Variants in NGFR observed in about 807,000 individuals in gnomAD.
The protein encoded by NGFR is nerve growth factor receptor.
In NGFR, 30 loss-of-function variants were observed where a neutral mutation model predicts 43.2. The ratio of observed to expected loss-of-function variants is 0.69; its 90% CI spans 0.52 to 0.94. The LOEUF is 0.94. Among genes scored for constraint, NGFR ranks in the 40% least tolerant of loss-of-function variants. The pLI is 0.00. For synonymous variants in NGFR, 246 were observed against 259.6 expected, an observed-to-expected ratio of 0.95 and a Z score of 0.50; for missense variants, 529 against 602.5, an observed-to-expected ratio of 0.88 and a Z score of 1.28.
intron 4 of NGFR, 65 bp from the exon 5 acceptor site, chr17:49,511,827 T>C: frequency 1.4e-6 from 2 of 1,465,006 alleles, no homozygotes; most frequent in South Asian, 2.9e-5. Context: ...AGAGCACAGA[T>C]ACTCAGCTGC....
chr17:49,514,464 TGAG>T lies in NGFR; in HGVS notation c.*1457_*1459del. On this transcript the variant is annotated 3_prime_UTR_variant, in exon 6 of 6. Transcript: ENST00000172229. Reference sequence around the variant, plus strand: ...CCTGAGCTTGGCCAGAAGGGGGCCATGAGGCCTCAGTGGACTTTCCACCCCCTC... The same window carrying T: ...CCTGAGCTTGGCCAGAAGGGGGCCATGCCTCAGTGGACTTTCCACCCCCTC... 1 of 152,324 alleles carries T rather than the reference TGAG, an allele frequency of 6.6e-6. No homozygotes were observed. The highest frequency in any genetic ancestry group is 1.9e-4 in the East Asian group (1 of 5,206). 9.4% of individuals were successfully genotyped at this position (152,324 alleles called of 1,614,324 possible).
At chr17:49,504,164 C>A (rs1162395350) in intron 2 of NGFR, among the ~76,000 whole-genome samples, 2 of 152,210 alleles carry the variant, frequency 1.3e-5, no homozygotes, top group Non-Finnish European at 2.9e-5. Context: ...ACCTATTAAG[C>A]CCCTGCCTTC....
Position 49,506,303 on chromosome 17 carries a change from G to C in NGFR, c.213G>C (p.Val71=), listed in dbSNP as rs149209628. ...QTVCEPCLDS[V]TFSDVVSATE... is the part of the protein sequence containing the mutation. ...TCTGGTGTCCGCTGCGCTCAGGCGT[G>C]ACGTTCTCCGACGTGGTGAGCGCGA... The change falls in exon 3 of 6, where the codon GTG becomes GTC. Residue 71 remains valine, a synonymous_variant. Coordinates refer to ENST00000172229, the MANE Select transcript of NGFR (RefSeq NM_002507.4). 24 of 1,558,128 alleles carry C rather than the reference G, an allele frequency of 1.5e-5. No homozygotes were observed. The highest frequency in any genetic ancestry group is 1.9e-5 in the Non-Finnish European group (22 of 1,153,806).
intron 3 of NGFR, 29 bp downstream of exon 3, chr17:49,506,687 T>TGGGGGGGGGGGGGGGG: frequency 7.8e-6 from 1 of 128,676 alleles, no homozygotes; most frequent in South Asian, 3.4e-4. Flanking sequence ...GCGGGGGGAG[T>TGGGGGGGGGGGGGGGG]GGGGGTGCGG....
At position 49,510,509 on chromosome 17, in the gene NGFR, C is replaced by T. The variant is rs2071224383; in HGVS notation, c.666C>T (p.Asp222=). The T allele has an allele frequency of 4.3e-6, 7 of 1,614,112 alleles. No homozygotes were observed. Among genetic ancestry groups the T allele is most frequent in the Non-Finnish European group, 5.9e-6 (7 of 1,180,004 alleles). The change falls in exon 4 of 6, where the codon GAC becomes GAT. Residue 222 remains aspartate (D), a synonymous_variant. Coordinates refer to ENST00000172229, the MANE Select transcript of NGFR (RefSeq NM_002507.4). Reference sequence around the variant, plus strand: ...AGCCTGAGGCACCTCCAGAACAAGACCTCATAGCCAGCACGGTGGCAGGTG... The same window carrying T: ...AGCCTGAGGCACCTCCAGAACAAGATCTCATAGCCAGCACGGTGGCAGGTG... ...TQEPEAPPEQ[D]LIASTVAGVV...
chr17:49,511,994 C>T lies in NGFR; in HGVS notation c.924C>T (p.Ser308=), dbSNP rs771528500. The T allele has an allele frequency of 8.7e-6, 14 of 1,613,904 alleles. No individual in the cohort carries two copies. Among genetic ancestry groups the T allele is most frequent in the South Asian group, 6.6e-5 (6 of 91,024 alleles). ...AACTCCACAGCGACAGTGGCATCTC[C>T]GTGGACAGCCAGAGCCTGCATGACC... The part of the protein sequence containing the change: ...GEKLHSDSGI[S]VDSQSLHDQQ... The change falls in exon 5 of 6, where the codon TCC becomes TCT. Residue 308 remains serine, a synonymous_variant. Coordinates refer to ENST00000172229, the MANE Select transcript of NGFR (RefSeq NM_002507.4).
chr17:49,502,018 C>CCCCCCCCAAAA, intron 1 of NGFR, 45 bp from the exon 2 acceptor site: 3 of 1,320,346 alleles, frequency 2.3e-6, no homozygotes, highest in East Asian at 2.7e-5. Context: ...CAACCCACCC[C>CCCCCCCCAAAA]AGCTTTCTCT....
chr17:49,511,858 G>T, intron 4 of NGFR, 34 bp from the exon 5 acceptor site: 1 of 1,544,776 alleles, frequency 6.5e-7, no homozygotes, highest in Non-Finnish European at 8.8e-7. Context: ...ACAGCCCCTC[G>T]CCCCCTGAAA....
chr17:49,495,524 T>C lies in NGFR; in HGVS notation c.66+41T>C. ...AGGGGGCCCGCTCCCTTTCCCGGGA[T>C]CAGAACTCCGAGAAGAGCCGGGCGC... On this transcript the variant is annotated intron_variant, in intron 1 of 5. Transcript: ENST00000172229. This position sits in a 1 kb window ranked among gnomAD's most constrained non-coding sequence, Gnocchi z 6.4. The C allele has an allele frequency of 8.2e-7, 1 of 1,223,494 alleles. No homozygotes were observed. Among genetic ancestry groups the C allele is most frequent in the Non-Finnish European group, 1.0e-6 (1 of 977,858 alleles). The allele number at this position is 1,223,494 out of a possible 1,614,324, so 75.8% of individuals were successfully genotyped here. A position where few individuals can be genotyped will look rare whatever the true frequency, so the allele number is the denominator to read the frequency against.
In NGFR at chr17:49,512,164, G is replaced by A. The variant is rs929534612; in HGVS notation, c.982+112G>A. On this transcript the variant is annotated intron_variant, in intron 5 of 5. Coordinates refer to ENST00000172229, the MANE Select transcript of NGFR (RefSeq NM_002507.4). The surrounding 1 kb of genome is among the most constrained non-coding windows in gnomAD (Gnocchi z 5.2). Reference sequence around the variant, plus strand: ...GGGGGGGCGGCAGGGCTGGCTCAGCGGTGCCCCTGTAGATGGATGGAGAGG... The same window carrying A: ...GGGGGGGCGGCAGGGCTGGCTCAGCAGTGCCCCTGTAGATGGATGGAGAGG... The A allele has an allele frequency of 2.5e-5, 34 of 1,339,712 alleles. No individual in the cohort carries two copies. Among genetic ancestry groups the A allele is most frequent in the Non-Finnish European group, 3.2e-5 (32 of 992,962 alleles). The allele number at this position is 1,339,712 out of a possible 1,614,324, so 83.0% of individuals were successfully genotyped here.
chr17:49,495,497 G>C lies in NGFR; in HGVS notation c.66+14G>C, dbSNP rs1180499653. ...CTGCTTCTGGGGGTGAGTGTTAGCC[G>C]GAGGGGGCCCGCTCCCTTTCCCGGG... On this transcript the variant is annotated intron_variant, in intron 1 of 5. Coordinates refer to ENST00000172229, the MANE Select transcript of NGFR (RefSeq NM_002507.4). The surrounding 1 kb of genome is among the most constrained non-coding windows in gnomAD (Gnocchi z 6.4). 3 of 1,234,978 alleles carry C rather than the reference G, an allele frequency of 2.4e-6. No individual in the cohort carries two copies. The highest frequency in any genetic ancestry group is 6.3e-5 in the East Asian group (2 of 31,910). The allele number at this position is 1,234,978 out of a possible 1,614,324, so 76.5% of individuals were successfully genotyped here.
intron 1 of NGFR, 63 bp from the exon 2 acceptor site, chr17:49,502,000 A>ACCGG: frequency 3.8e-6 from 1 of 264,886 alleles, no homozygotes; most frequent in Non-Finnish European, 7.9e-6. Flanking sequence ...CCCCGGAAGA[A>ACCGG]CCCCCCCCAA....
chr17:49,502,146 C>A lies in NGFR; in HGVS notation c.150C>A (p.Gly50=). ...AGTGCTGCAAAGCCTGCAACCTGGG[C>A]GAGGGTGTGGCCCAGCCTTGTGGAG... is the stretch of plus-strand genomic sequence containing the variant. The part of the protein sequence containing the change: ...SGECCKACNL[G]EGVAQPCGAN... The change falls in exon 2 of 6, where the codon GGC becomes GGA. Residue 50 remains glycine, a synonymous_variant. Coordinates refer to ENST00000172229, the MANE Select transcript of NGFR (RefSeq NM_002507.4). 1 of 1,612,668 alleles carries A rather than the reference C, an allele frequency of 6.2e-7. No individual in the cohort carries two copies. The highest frequency in any genetic ancestry group is 8.5e-7 in the Non-Finnish European group (1 of 1,179,266).
Position 49,512,780 on chromosome 17 carries a change from A to G in NGFR, c.1055A>G (p.Asn352Ser), listed in dbSNP as rs1221427074. The G allele has an allele frequency of 1.9e-6, 3 of 1,613,168 alleles. No individual in the cohort carries two copies. Among genetic ancestry groups the G allele is most frequent in the African/African-American group, 2.7e-5 (2 of 74,898 alleles). The part of the protein sequence containing the change: ...AKREEVEKLL[N>S]GSAGDTWRHL... ...CGGGAGGAGGTGGAGAAGCTTCTCAACGGCTCTGCGGGGGACACCTGGCGG... is the reference window on the plus strand; with the variant it reads ...CGGGAGGAGGTGGAGAAGCTTCTCAGCGGCTCTGCGGGGGACACCTGGCGG... The change falls in exon 6 of 6, where the codon AAC (asparagine) becomes AGC (serine). Residue 352 changes from asparagine (N) to serine (S), a missense_variant. Coordinates refer to ENST00000172229, the MANE Select transcript of NGFR (RefSeq NM_002507.4). The surrounding 1 kb of genome is among the most constrained non-coding windows in gnomAD (Gnocchi z 5.2).
At chr17:49,506,700 G>GGGGGGGGGGC in intron 3 of NGFR, 42 bp downstream of exon 3, 2 of 485,202 alleles carry the variant, frequency 4.1e-6, no homozygotes, top group Non-Finnish European at 6.4e-6. Context: ...GGGTGCGGGG[G>GGGGGGGGGGC]TGGGCTGGGG....
intron 3 of NGFR, 47 bp downstream of exon 3, chr17:49,506,705 C>CTGGGGGGGGGGGGGGGGGGGGGGGGGGG: frequency 1.1e-6 from 1 of 938,644 alleles, no homozygotes; most frequent in East Asian, 3.2e-5. Flanking sequence ...CGGGGGTGGG[C>CTGGGGGGGGGGGGGGGGGGGGGGGGGGG]TGGGGGCATA....
chr17:49,514,962 C>G lies in NGFR; in HGVS notation c.*1953C>G, dbSNP rs1417704329. The G allele has an allele frequency of 6.6e-6, 1 of 152,122 alleles. No homozygotes were observed. The highest frequency in any genetic ancestry group is 1.5e-5 in the Non-Finnish European group (1 of 68,030). 9.4% of individuals were successfully genotyped at this position (152,122 alleles called of 1,614,324 possible). Reference sequence around the variant, plus strand: ...ATTTCTTGGGCCCTCCTGAAACTTACACACAAAACGTTAAGTGATGAACAT... The same window carrying G: ...ATTTCTTGGGCCCTCCTGAAACTTAGACACAAAACGTTAAGTGATGAACAT... On this transcript the variant is annotated 3_prime_UTR_variant, in exon 6 of 6. Coordinates refer to ENST00000172229, the MANE Select transcript of NGFR (RefSeq NM_002507.4).
intron 1 of NGFR, 54 bp from the exon 2 acceptor site, chr17:49,502,009 A>ACCCCCCC: frequency 6.0e-6 from 1 of 165,870 alleles, no homozygotes; most frequent in East Asian, 1.4e-4. Context: ...AACCCCCCCC[A>ACCCCCCC]ACCCACCCCA....
Position 49,495,676 on chromosome 17 carries a change from A to T in NGFR, c.66+193A>T. ...TCCCGGAGCGCAGAGGCGACTCTCC[A>T]GGGTGGAGATGAGGGCAAGACCGGA... On this transcript the variant is annotated intron_variant, in intron 1 of 5. Coordinates refer to ENST00000172229, the MANE Select transcript of NGFR (RefSeq NM_002507.4). This position sits in a 1 kb window ranked among gnomAD's most constrained non-coding sequence, Gnocchi z 6.4. 3.9e-5 allele frequency: 16 copies of T among 415,082 alleles called. No homozygotes were observed. Among genetic ancestry groups the T allele is most frequent in the East Asian group, 1.6e-4 (4 of 24,300 alleles). The allele number at this position is 415,082 out of a possible 1,614,324, so 25.7% of individuals were successfully genotyped here. A position where few individuals can be genotyped will look rare whatever the true frequency, so the allele number is the denominator to read the frequency against.
Sources: allele counts gnomAD v4.1 joint callset (sites outside exome capture counted in the v4.1 genomes callset), GRCh38; gene constraint gnomAD v4.1.1; non-coding constraint Gnocchi (gnomAD v3.1); transcripts MANE v1.5; gene names NCBI Gene and HGNC (gene_info 2026-07-23, HGNC 2026-07-21).